TRPV3: variants seen among roughly 807,000 people sequenced by gnomAD.
The protein encoded by TRPV3 is transient receptor potential cation channel subfamily V member 3.
In TRPV3, 88 loss-of-function variants were observed where a neutral mutation model predicts 87.1. The ratio of observed to expected loss-of-function variants is 1.01; its 90% CI spans 0.85 to 1.21. TRPV3 has a LOEUF of 1.21. TRPV3 is among the 50% of genes most tolerant of loss of function. The probability of loss-of-function intolerance (pLI) is 0.00; values close to 1 mark genes in which losing one functional copy is unlikely to be tolerated. For synonymous variants in TRPV3, 438 were observed against 423.3 expected, an observed-to-expected ratio of 1.03 and a Z score of -0.43; for missense variants, 1,054 against 1,030.1, an observed-to-expected ratio of 1.02 and a Z score of -0.32.
In TRPV3 at chr17:3,532,863, T is replaced by G. The variant is rs376496522; in HGVS notation, c.859A>C (p.Thr287Pro). 1 of 1,614,222 alleles carries G rather than the reference T, an allele frequency of 6.2e-7. No homozygotes were observed. Among genetic ancestry groups the G allele is most frequent in the East Asian group, 2.2e-5 (1 of 44,890 alleles). The change falls in exon 8 of 18, where the codon ACG becomes CCG. Residue 287 changes from threonine (T) to proline (P), a missense_variant. Transcript: ENST00000576742. ...CGTGAGTCCCGCGAGGTGATGTCCG[T>G]CTGCTCGTGCTCCATCAGCAGCTGC... ...IVQLLMEHEQ[T>P]DITSRDSRGN...
chr17:3,546,967 C>A (rs1266718417), intron 2 of TRPV3, among the ~76,000 whole-genome samples: 14 of 123,598 alleles, frequency 1.1e-4, no homozygotes, highest in African/African-American at 1.8e-4. Context: ...GACTCCTTCT[C>A]AAAAAAAAAA....
At chr17:3,542,015 A>G (rs1057498126) in intron 6 of TRPV3, among the ~76,000 whole-genome samples, 6 of 152,170 alleles carry the variant, frequency 3.9e-5, no homozygotes, top group African/African-American at 1.2e-4. Flanking sequence ...CTGGAGTGCA[A>G]TGGCGATCTC....
chr17:3,524,642 T>A (rs12939634), intron 12 of TRPV3, among the ~76,000 whole-genome samples: 33,049 of 151,520 alleles, frequency 0.22, 4,742 homozygotes, highest in Non-Finnish European at 0.33. Flanking sequence ...CGCAGAAGAT[T>A]CTAGGGTACT....
chr17:3,533,023 T>C, intron 7 of TRPV3, 86 bp from the exon 8 acceptor site: 1 of 1,496,330 alleles, frequency 6.7e-7, no homozygotes. Context: ...CCATATCCTA[T>C]CTCAGCAGGA....
At chr17:3,538,645 C>T (rs941847114) in intron 6 of TRPV3, among the ~76,000 whole-genome samples, 2 of 151,700 alleles carry the variant, frequency 1.3e-5, no homozygotes, top group Non-Finnish European at 2.9e-5. Context: ...AGTGCAGTGG[C>T]GCGATCTCGG....
intron 2 of TRPV3, chr17:3,546,916 C>T (rs2074531623): frequency 7.6e-6 from 2 of 262,992 alleles, no homozygotes; most frequent in Admixed American, 9.5e-5. Flanking sequence ...TGCGGTGAGT[C>T]AAGATCGTGC....
chr17:3,518,659 G>A lies in TRPV3; in HGVS notation c.2002C>T (p.Leu668Phe). The A allele has an allele frequency of 6.2e-7, 1 of 1,602,198 alleles. No homozygotes were observed. The highest frequency in any genetic ancestry group is 8.5e-7 in the Non-Finnish European group (1 of 1,174,344). The change falls in exon 15 of 18, where the codon CTC becomes TTC. Residue 668 changes from leucine to phenylalanine, a missense_variant. By Grantham distance (22) the Leu-to-Phe change is conservative. Coordinates refer to ENST00000576742, the MANE Select transcript of TRPV3 (RefSeq NM_145068.4). This position sits in a 1 kb window ranked among gnomAD's most constrained non-coding sequence, Gnocchi z 4.3. Reference sequence around the variant, plus strand: ...AGAGCAATGAGCATGTTGAGGAGGAGAACAAAGGTGAGGATGACATAGGTG... The same window carrying A: ...AGAGCAATGAGCATGTTGAGGAGGAAAACAAAGGTGAGGATGACATAGGTG... ...LITYVILTFV[L>F]LLNMLIALMG...
chr17:3,548,971 G>A (rs1442514179), intron 2 of TRPV3, among the ~76,000 whole-genome samples: 1 of 152,154 alleles, frequency 6.6e-6, no homozygotes, highest in Non-Finnish European at 1.5e-5. Context: ...GGCATCGGAG[G>A]TCAACCAGTC....
chr17:3,529,260 C>T (rs908293105), intron 9 of TRPV3, among the ~76,000 whole-genome samples: 1 of 152,100 alleles, frequency 6.6e-6, no homozygotes, highest in Non-Finnish European at 1.5e-5. Context: ...AGGATAGAAG[C>T]GGGCAGGAGG....
At chr17:3,532,315 G>A (rs1326514068) in intron 8 of TRPV3, among the ~76,000 whole-genome samples, 1 of 152,258 alleles carries the variant, frequency 6.6e-6, no homozygotes, top group Admixed American at 6.5e-5. Flanking sequence ...TCCCGTCCTC[G>A]TGAGAGGCAG....
intron 2 of TRPV3, chr17:3,553,103 C>T (rs756716165): frequency 6.6e-6 from 1 of 152,520 alleles, no homozygotes; most frequent in Non-Finnish European, 1.5e-5. Flanking sequence ...ATGGCCCCGC[C>T]ATCCCTCCAG....
rs2074342166 is a variant in TRPV3 at position 3,530,744 on chromosome 17, T to C, written c.1066-541A>G. Among the ~76,000 whole-genome samples, 2 of 152,282 alleles carry C rather than the reference T, an allele frequency of 1.3e-5. No homozygotes were observed. Among genetic ancestry groups the C allele is most frequent in the Non-Finnish European group, 2.9e-5 (2 of 68,010 alleles). ...CTCAAACTCTGCTGCATGTTAGGGC[T>C]GCTGGGAAACTTAGAAATTCCCACA... is the stretch of plus-strand genomic sequence containing the variant. On this transcript the variant is annotated intron_variant, in intron 8 of 17. Coordinates refer to ENST00000576742, the MANE Select transcript of TRPV3 (RefSeq NM_145068.4). This position sits in a 1 kb window ranked among gnomAD's most constrained non-coding sequence, Gnocchi z 4.0.
At chr17:3,535,234 C>CCCCCCCTCCCCCTCCTTCCTCCT (rs2074392212) in intron 7 of TRPV3, among the ~76,000 whole-genome samples, 1 of 46,108 alleles carries the variant, frequency 2.2e-5, no homozygotes, top group Non-Finnish European at 5.0e-5. Flanking sequence ...CCTCCCTCCT[C>CCCCCCCTCCCCCTCCTTCCTCCT]CCTCCCTCCC....
At chr17:3,554,564 C>G in intron 2 of TRPV3, 168 bp downstream of exon 2, 1 of 577,568 alleles carries the variant, frequency 1.7e-6, no homozygotes, top group African/African-American at 1.9e-5. Context: ...GTGTGCTGTG[C>G]TCCCCACCGC....
Position 3,518,559 on chromosome 17 carries a change from T to C in TRPV3, c.2085+17A>G. Reference sequence around the variant, plus strand: ...TCCCGTGGAGGCCCCCACGCTGGGGTCTCCACCTAGGCTCACCTGCAGGCG... The same window carrying C: ...TCCCGTGGAGGCCCCCACGCTGGGGCCTCCACCTAGGCTCACCTGCAGGCG... On this transcript the variant is annotated intron_variant, in intron 15 of 17. Coordinates refer to ENST00000576742, the MANE Select transcript of TRPV3 (RefSeq NM_145068.4). This position sits in a 1 kb window ranked among gnomAD's most constrained non-coding sequence, Gnocchi z 4.3. 11 of 1,542,112 alleles carry C rather than the reference T, an allele frequency of 7.1e-6. No homozygotes were observed. The highest frequency in any genetic ancestry group is 9.6e-6 in the Non-Finnish European group (11 of 1,142,810).
chr17:3,532,942 G>A lies in TRPV3; in HGVS notation c.785-5C>T. ...CCAGGGCCAGGGGCGTCTCACCTGG[G>A]GGATGAGCGCACTGAAGCTTGGTTC... On this transcript the variant is annotated splice_polypyrimidine_tract_variant and splice_region_variant and intron_variant, in intron 7 of 17. Coordinates refer to ENST00000576742, the MANE Select transcript of TRPV3 (RefSeq NM_145068.4). 1 of 1,613,252 alleles carries A rather than the reference G, an allele frequency of 6.2e-7. No individual in the cohort carries two copies. The highest frequency in any genetic ancestry group is 8.5e-7 in the Non-Finnish European group (1 of 1,179,744).
chr17:3,531,711 A>G (rs2074350661), intron 8 of TRPV3, among the ~76,000 whole-genome samples: 1 of 152,212 alleles, frequency 6.6e-6, no homozygotes, highest in South Asian at 2.1e-4. Flanking sequence ...GACTCTTCAA[A>G]GCCCCAGCAA....
At position 3,528,956 on chromosome 17, in the gene TRPV3, G is replaced by C. The variant is rs1203272793; in HGVS notation, c.1282C>G (p.Leu428Val). 7.4e-6 allele frequency: 12 copies of C among 1,614,220 alleles called. No homozygotes were observed. The highest frequency in any genetic ancestry group is 8.5e-6 in the Non-Finnish European group (10 of 1,180,034). The change falls in exon 10 of 18, where the codon CTG becomes GTG. Residue 428 changes from leucine to valine, a missense_variant. Transcript: ENST00000576742. The surrounding 1 kb of genome is among the most constrained non-coding windows in gnomAD (Gnocchi z 4.2). ...AACTTCTTCCACTTCATATGCAGCA[G>C]CGTGTGCAGCGGCTCCAGGGTCAGC... Reference protein sequence around the residue: ...EMLTLEPLHTLLHMKWKKFAK... With the variant: ...EMLTLEPLHTVLHMKWKKFAK...
In TRPV3 at chr17:3,516,547, A is replaced by G. The variant is rs906594232; in HGVS notation, c.2108T>C (p.Phe703Ser). The G allele has an allele frequency of 1.9e-6, 3 of 1,613,948 alleles. No homozygotes were observed. The highest frequency in any genetic ancestry group is 2.5e-6 in the Non-Finnish European group (3 of 1,179,932). The change falls in exon 16 of 18, where the codon TTT becomes TCT. Residue 703 changes from phenylalanine to serine, a missense_variant. Phe to Ser is a radical substitution (Grantham distance 155). Coordinates refer to ENST00000576742, the MANE Select transcript of TRPV3 (RefSeq NM_145068.4). ...CAGCCATTCTGGTAACATTTTCTCA[A>G]ACTCCAAGATGGTCCTGGCTCTCTG... ...RLQRARTILE[F>S]EKMLPEWLRS...
Sources: gnomAD v4.1 joint callset for allele counts (sites outside exome capture counted in the v4.1 genomes callset) on GRCh38, gnomAD v4.1.1 for gene constraint, Gnocchi (gnomAD v3.1) non-coding constraint, MANE v1.5 for transcripts, NCBI Gene and HGNC (gene_info 2026-07-23, HGNC 2026-07-21) for gene names.